SMG7: variants seen among roughly 807,000 people sequenced by gnomAD.
The protein encoded by SMG7 is nonsense-mediated mRNA decay factor SMG7.
A neutral mutation model predicts 148.2 loss-of-function variants in SMG7; 34 were observed. The observed-to-expected ratio is 0.23, with a 90% CI of 0.17 to 0.31. The LOEUF is 0.31. Among genes scored for constraint, SMG7 ranks in the 10% least tolerant of loss-of-function variants. The pLI is 1.00. For synonymous variants in SMG7, 492 were observed against 515.1 expected (o/e 0.96, Z 0.61); for missense variants, 1,114 against 1,408.4 (o/e 0.79, Z 3.35).
rs1669499057 is a variant in SMG7 at position 183,544,336 on chromosome 1, G to C, written c.1843-17G>C. 6.2e-7 allele frequency: 1 copy of C among 1,609,168 alleles called. No individual in the cohort carries two copies. Among genetic ancestry groups the C allele is most frequent in the African/African-American group, 1.3e-5 (1 of 74,654 alleles). ...GTTTCAATTTATTATAGATAGTTTT[G>C]CTTCTATTGGTTACAGGTAAAATCC... is the stretch of plus-strand genomic sequence containing the variant. On this transcript the variant is annotated splice_polypyrimidine_tract_variant and intron_variant, in intron 14 of 22. Transcript: ENST00000688051.
chr1:183,488,703 T>C (rs1421809583), intron 1 of SMG7, among the ~76,000 whole-genome samples: 1 of 147,764 alleles, frequency 6.8e-6, no homozygotes, highest in Non-Finnish European at 1.5e-5. Context: ...TTTTTTTTTT[T>C]TTGAGACGGT....
chr1:183,510,638 G>A (rs966542492), intron 1 of SMG7, among the ~76,000 whole-genome samples: 1 of 151,924 alleles, frequency 6.6e-6, no homozygotes, highest in African/African-American at 2.4e-5. Context: ...TCTTTTAAAG[G>A]CTAAGAGAAT....
intron 1 of SMG7, among the ~76,000 whole-genome samples, chr1:183,508,591 A>G (rs925081199): frequency 1.3e-5 from 2 of 152,276 alleles, no homozygotes; most frequent in African/African-American, 4.8e-5. Flanking sequence ...TTGATTTCTC[A>G]TATATTGTAC....
At chr1:183,488,461 G>A (rs575208990) in intron 1 of SMG7, among the ~76,000 whole-genome samples, 108 of 152,260 alleles carry the variant, frequency 7.1e-4, no homozygotes, top group African/African-American at 2.6e-3. Flanking sequence ...CAGTAACAGT[G>A]GTATTGATAT....
intron 22 of SMG7, 82 bp downstream of exon 22, chr1:183,551,272 T>C: frequency 7.2e-7 from 1 of 1,390,096 alleles, no homozygotes; most frequent in Non-Finnish European, 9.7e-7. Context: ...TAGCTAGACT[T>C]CTCAGGCCCT....
In SMG7 at chr1:183,494,417, CAA is replaced by C. The variant is rs536818974; in HGVS notation, c.30-18418_30-18417del. ...ATTGACTTTTAAATAAGTTTTAAAACAAAGAGAAAAAAGTTATTTTATATTTA... is the reference window on the plus strand; with the variant it reads ...ATTGACTTTTAAATAAGTTTTAAAACAGAGAAAAAAGTTATTTTATATTTA... On this transcript the variant is annotated intron_variant, in intron 1 of 22. Coordinates refer to ENST00000688051, the MANE Select transcript of SMG7 (RefSeq NM_001375584.1). Among the ~76,000 whole-genome samples, 265 of 148,960 alleles carry C rather than the reference CAA, an allele frequency of 1.8e-3. 1 individual carries two copies. Among genetic ancestry groups the C allele is most frequent in the African/African-American group, 5.0e-3 (206 of 40,836 alleles).
intron 12 of SMG7, among the ~76,000 whole-genome samples, chr1:183,538,996 A>G (rs1409883379): frequency 6.6e-6 from 1 of 152,026 alleles, no homozygotes; most frequent in African/African-American, 2.4e-5. Context: ...ATACAAAAAA[A>G]AAAATTAGCC....
intron 10 of SMG7, among the ~76,000 whole-genome samples, chr1:183,536,377 C>T (rs541159211): frequency 6.6e-6 from 1 of 152,154 alleles, no homozygotes; most frequent in South Asian, 2.1e-4. Flanking sequence ...AAAATCTTGC[C>T]CTGTCATATA....
At position 183,529,016 on chromosome 1, in the gene SMG7, A is replaced by G. The variant is rs1666391168; in HGVS notation, c.681A>G (p.Gln227=). ...TCCCAGCTGCCTCCACTAATCTGCA[A>G]AAAGCACTTTCTAAAGCACTGGAAA... ...FPFPAASTNL[Q]KALSKALESR... Residue 227 remains glutamine (Q), a synonymous_variant, in exon 7 of 23, where the codon CAA becomes CAG. Transcript: ENST00000688051. The G allele has an allele frequency of 6.2e-7, 1 of 1,613,472 alleles. No individual in the cohort carries two copies. The highest frequency in any genetic ancestry group is 8.5e-7 in the Non-Finnish European group (1 of 1,179,680).
intron 2 of SMG7, chr1:183,513,102 T>C (rs1190119649): frequency 2.4e-6 from 1 of 414,796 alleles, no homozygotes; most frequent in Non-Finnish European, 4.2e-6. Context: ...GAATGTTACC[T>C]AATTTAGTTT....
At chr1:183,543,439 G>A (rs1669299923) in intron 14 of SMG7, among the ~76,000 whole-genome samples, 1 of 151,688 alleles carries the variant, frequency 6.6e-6, no homozygotes, top group African/African-American at 2.4e-5. Flanking sequence ...GAAAGACAAG[G>A]TAGAAATTAA....
intron 1 of SMG7, among the ~76,000 whole-genome samples, chr1:183,495,062 C>T (rs1658140873): frequency 6.6e-6 from 1 of 152,062 alleles, no homozygotes; most frequent in South Asian, 2.1e-4. Flanking sequence ...CTCCTGACCT[C>T]ATGATCCATC....
rs1316999586 is a variant in SMG7, at chr1:183,553,712, G to A, written c.*1781G>A. On this transcript the variant is annotated 3_prime_UTR_variant, in exon 23 of 23. Coordinates refer to ENST00000688051, the MANE Select transcript of SMG7 (RefSeq NM_001375584.1). ...GAAAAGGTGAAGCCCCCTACCCAAT[G>A]GCAATATGAAACCTTTTGTGCTTCT... 1 of 153,212 alleles carries A rather than the reference G, an allele frequency of 6.5e-6. No homozygotes were observed. The highest frequency in any genetic ancestry group is 1.4e-5 in the Non-Finnish European group (1 of 69,422). 9.5% of individuals were successfully genotyped at this position (153,212 alleles called of 1,614,324 possible).
At chr1:183,483,241 C>T (rs1226406929) in intron 1 of SMG7, among the ~76,000 whole-genome samples, 1 of 152,070 alleles carries the variant, frequency 6.6e-6, no homozygotes, top group Non-Finnish European at 1.5e-5. Context: ...TTCTCCTTCC[C>T]AAAGACATAT....
chr1:183,548,023 AAGAT>A (rs1670236901), intron 18 of SMG7, among the ~76,000 whole-genome samples: 1 of 152,206 alleles, frequency 6.6e-6, no homozygotes, highest in Non-Finnish European at 1.5e-5. Context: ...AAAACATAAA[AAGAT>A]AGTAAATTTT....
At chr1:183,529,374 T>A (rs761087798) in intron 7 of SMG7, 24 bp from the exon 8 acceptor site, 1 of 1,605,342 alleles carries the variant, frequency 6.2e-7, no homozygotes, top group Non-Finnish European at 8.5e-7. Flanking sequence ...TTATGATTCA[T>A]GGAATTTTTT....
rs79993589 is a variant in SMG7 at position 183,492,988 on chromosome 1, G to T, written c.30-19849G>T. On this transcript the variant is annotated intron_variant, in intron 1 of 22. Coordinates refer to ENST00000688051, the MANE Select transcript of SMG7 (RefSeq NM_001375584.1). ...ATTTATTTTATTTTATTTGTTTTTAGAGACACGATCTCGCTCTGTTGCCTA... is the reference window on the plus strand; with the variant it reads ...ATTTATTTTATTTTATTTGTTTTTATAGACACGATCTCGCTCTGTTGCCTA... Among the ~76,000 whole-genome samples the T allele has an allele frequency of 8.7e-4, 133 of 152,008 alleles. 2 individuals carry two copies. The East Asian group carries it at 0.018, about 21-fold the overall frequency.
At chr1:183,536,960 G>A (rs146308528) in intron 10 of SMG7, among the ~76,000 whole-genome samples, 185 bp from the exon 11 acceptor site, 235 of 152,062 alleles carry the variant, frequency 1.5e-3, no homozygotes, top group African/African-American at 5.0e-3. Context: ...CCCTTTTGTT[G>A]TATCTTTATC....
At chr1:183,505,919 T>C (rs1660788464) in intron 1 of SMG7, among the ~76,000 whole-genome samples, 1 of 152,246 alleles carries the variant, frequency 6.6e-6, no homozygotes, top group Non-Finnish European at 1.5e-5. Flanking sequence ...CTTTCTAAAA[T>C]GTAAATCTAA....
Sources: gnomAD v4.1 joint callset for allele counts (sites outside exome capture counted in the v4.1 genomes callset) on GRCh38, gnomAD v4.1.1 for gene constraint, MANE v1.5 for transcripts, NCBI Gene and HGNC (gene_info 2026-07-23, HGNC 2026-07-21) for gene names.